SPEF2: variants seen among roughly 807,000 people sequenced by gnomAD.
SPEF2 encodes the protein sperm flagellar and cilia associated 2.
In SPEF2, 187 loss-of-function variants were observed where a neutral mutation model predicts 224.6. The observed-to-expected ratio is 0.83, with a 90% confidence interval of 0.74 to 0.94. The LOEUF is 0.94. SPEF2 is among the 40% of genes least tolerant of loss of function. SPEF2 has a pLI of 0.00. For missense variants in SPEF2, 2,170 were observed against 2,135.6 expected (o/e 1.02, Z -0.32); for synonymous variants, 715 against 707.3 (o/e 1.01, Z -0.17).
intron 10 of SPEF2, among the ~76,000 whole-genome samples, chr5:35,674,560 A>G (rs1751643814): frequency 8.3e-6 from 1 of 120,360 alleles, no homozygotes. Context: ...CTCGTGTGTG[A>G]TGTTCCCCTT....
chr5:35,690,383 C>G (rs1272977626), intron 10 of SPEF2, among the ~76,000 whole-genome samples: 1 of 152,112 alleles, frequency 6.6e-6, no homozygotes, highest in African/African-American at 2.4e-5. Context: ...TTTAATAAAT[C>G]TGTTGTTTTA....
rs1251104059 is a variant in SPEF2, at chr5:35,771,726, A to G, written c.3919A>G (p.Lys1307Glu). 7 of 1,594,572 alleles carry G rather than the reference A, an allele frequency of 4.4e-6. No homozygotes were observed. The highest frequency in any genetic ancestry group is 4.3e-6 in the Non-Finnish European group (5 of 1,175,424). ...TAAAAAAGTCAAAAAGGAGCCACCC[A>G]AGAAAAAACAGGAAGACAAAAAACC... is the stretch of plus-strand genomic sequence containing the variant. ...ANKKVKKEPP[K>E]KKQEDKKPKG... The change falls in exon 27 of 37, where the codon AAG (lysine) becomes GAG (glutamate). Residue 1307 changes from lysine (K) to glutamate (E), a missense_variant. Lys to Glu is a moderately conservative substitution (Grantham distance 56, BLOSUM62 1). Transcript: ENST00000356031.
intron 3 of SPEF2, 114 bp from the exon 4 acceptor site, chr5:35,644,241 T>G: frequency 1.1e-6 from 1 of 907,818 alleles, no homozygotes; most frequent in South Asian, 2.4e-5. Flanking sequence ...AGCTTAACTA[T>G]CAACAATAGT....
At chr5:35,760,240 G>A (rs2149748604) in intron 25 of SPEF2, among the ~76,000 whole-genome samples, 1 of 151,892 alleles carries the variant, frequency 6.6e-6, no homozygotes, top group South Asian at 2.1e-4. Context: ...GCGGGCGCCT[G>A]TAGTCCCAGC....
chr5:35,808,472 T>C (rs1189331207), intron 36 of SPEF2, among the ~76,000 whole-genome samples: 1 of 152,014 alleles, frequency 6.6e-6, no homozygotes, highest in Non-Finnish European at 1.5e-5. Context: ...ATTGTTCAAT[T>C]CCCACCTATG....
intron 8 of SPEF2, among the ~76,000 whole-genome samples, chr5:35,664,438 C>G (rs1750164294): frequency 6.6e-6 from 1 of 151,940 alleles, no homozygotes; most frequent in South Asian, 2.1e-4. Context: ...CACCTGTAAT[C>G]CCACCACTTT....
chr5:35,704,868 AAAG>A (rs989699896), intron 17 of SPEF2, among the ~76,000 whole-genome samples: 1 of 152,108 alleles, frequency 6.6e-6, no homozygotes, highest in South Asian at 2.1e-4. Flanking sequence ...AGTCTGAAAA[AAAG>A]AAGAATTAAA....
rs1755303611 is a variant in SPEF2 at position 35,787,364 on chromosome 5, C to T, written c.4448-4976C>T. On this transcript the variant is annotated intron_variant, in intron 30 of 36. Transcript: ENST00000356031. ...ATGTCCAAGGCAGACCTTGCAGACA[C>T]ACTACCATGTATGCTCTATTATTCC... Among the ~76,000 whole-genome samples, 3 of 151,756 alleles carry T rather than the reference C, an allele frequency of 2.0e-5. No homozygotes were observed. The South Asian group carries it at 6.2e-4, about 32-fold the overall frequency.
In SPEF2 at chr5:35,722,229, G is replaced by T. The variant is rs538306300; in HGVS notation, c.2915-5446G>T. 2.0e-5 allele frequency among the ~76,000 whole-genome samples: 3 copies of T among 152,256 alleles called. No homozygotes were observed. The East Asian group carries it at 5.8e-4, about 29-fold the overall frequency. On this transcript the variant is annotated intron_variant, in intron 20 of 36. Transcript: ENST00000356031. ...TTGGCTGGGGAAGGGGAAGGCTGTGGTGGCTTGTGGCTGGGAACCAGCCAT... is the reference window on the plus strand; with the variant it reads ...TTGGCTGGGGAAGGGGAAGGCTGTGTTGGCTTGTGGCTGGGAACCAGCCAT...
chr5:35,631,856 A>G (rs1745182608), intron 2 of SPEF2, among the ~76,000 whole-genome samples: 1 of 152,374 alleles, frequency 6.6e-6, no homozygotes, highest in South Asian at 2.1e-4. Flanking sequence ...AGAATGAAGT[A>G]ATATGCAGGC....
At chr5:35,649,326 A>G in intron 5 of SPEF2, 35 bp from the exon 6 acceptor site, 1 of 1,550,278 alleles carries the variant, frequency 6.5e-7, no homozygotes, top group Non-Finnish European at 8.8e-7. Context: ...AATGGTTTTT[A>G]GAGGCAGAGA....
chr5:35,788,459 A>G, intron 30 of SPEF2: 3 of 702,804 alleles, frequency 4.3e-6, no homozygotes, highest in Non-Finnish European at 7.8e-6. Flanking sequence ...CTCTGTCATC[A>G]GTGATGGAAT....
intron 2 of SPEF2, among the ~76,000 whole-genome samples, chr5:35,628,774 T>C (rs1481536327): frequency 6.6e-6 from 1 of 152,074 alleles, no homozygotes; most frequent in Non-Finnish European, 1.5e-5. Context: ...GTATTTTTGG[T>C]GTAGACGGGG....
intron 4 of SPEF2, among the ~76,000 whole-genome samples, chr5:35,644,923 TTG>T (rs1747142575): frequency 6.6e-6 from 1 of 152,222 alleles, no homozygotes; most frequent in South Asian, 2.1e-4. Flanking sequence ...TTCTCCTCTT[TTG>T]CAACCTTCGG....
chr5:35,655,080 G>A (rs1037058058), intron 7 of SPEF2, among the ~76,000 whole-genome samples: 7 of 152,168 alleles, frequency 4.6e-5, no homozygotes, highest in Admixed American at 4.6e-4. Flanking sequence ...AGGAAAAAGG[G>A]AATGGTTTAA....
At chr5:35,657,423 AG>A (rs1749110207) in intron 7 of SPEF2, among the ~76,000 whole-genome samples, 1 of 152,028 alleles carries the variant, frequency 6.6e-6, no homozygotes, top group African/African-American at 2.4e-5. Flanking sequence ...TGGTAAGAAA[AG>A]GATTGGTAGG....
chr5:35,793,258 G>C lies in SPEF2; in HGVS notation c.4654G>C (p.Glu1552Gln), dbSNP rs748454003. The C allele has an allele frequency of 5.6e-6, 9 of 1,614,048 alleles. No individual in the cohort carries two copies. In the African/African-American group the frequency reaches 6.7e-5, roughly 12 times the overall value. ...AATGCCTTGGCCCATTCCCTTGGAG[G>C]AGGAGCTCCTTGAGACCCTTCAGAA... is the stretch of plus-strand genomic sequence containing the variant. Reference protein sequence around the residue: ...TSMPWPIPLEEELLETLQKFK... With the variant: ...TSMPWPIPLEQELLETLQKFK... Residue 1552 changes from glutamate (E) to glutamine (Q), a missense_variant, in exon 32 of 37, where the codon GAG (glutamate) becomes CAG (glutamine). Coordinates refer to ENST00000356031, the MANE Select transcript of SPEF2 (RefSeq NM_024867.4).
At chr5:35,650,518 G>A (rs568828614) in intron 6 of SPEF2, among the ~76,000 whole-genome samples, 1 of 152,178 alleles carries the variant, frequency 6.6e-6, no homozygotes, top group Admixed American at 6.5e-5. Flanking sequence ...ATAAACAGTT[G>A]GTGTCCACCA....
At chr5:35,646,836 G>A in intron 5 of SPEF2, 29 bp downstream of exon 5, 2 of 1,607,222 alleles carry the variant, frequency 1.2e-6, no homozygotes, top group Non-Finnish European at 1.7e-6. Flanking sequence ...ATATTGTGCT[G>A]TGTTTATCTT....
Sources: gnomAD v4.1 joint callset for allele counts (sites outside exome capture counted in the v4.1 genomes callset) on GRCh38, gnomAD v4.1.1 for gene constraint, MANE v1.5 for transcripts, NCBI Gene and HGNC (gene_info 2026-07-23, HGNC 2026-07-21) for gene names.